Variants in NCOR2 observed in about 807,000 individuals in gnomAD.
The protein encoded by NCOR2 is CTG repeat protein 26.
NCOR2 carries 81 observed loss-of-function variants against 262.9 expected under a neutral mutation model. The ratio of observed to expected loss-of-function variants is 0.31; its 90% confidence interval spans 0.26 to 0.37. The LOEUF (loss-of-function observed/expected upper bound fraction) is 0.37, where lower values mean the gene tolerates loss of function less well. Ranked by LOEUF, NCOR2 falls within the 10% of genes least tolerant of loss-of-function variation. The pLI is 1.00. For synonymous variants in NCOR2, 1,659 were observed against 1,559.3 expected (o/e 1.06, Z -1.51); for missense variants, 3,385 against 3,621.4 (o/e 0.93, Z 1.68).
chr12:124,350,044 G>A (rs930677064), intron 28 of NCOR2, among the ~76,000 whole-genome samples: 4 of 152,026 alleles, frequency 2.6e-5, no homozygotes, highest in Non-Finnish European at 5.9e-5. Context: ...TGAGAGAGGC[G>A]CCCATTAGCA....
Position 124,449,805 on chromosome 12 carries a change from G to A in NCOR2, c.815+10C>T, listed in dbSNP as rs771133338. The A allele has an allele frequency of 5.0e-6, 8 of 1,613,920 alleles. No individual in the cohort carries two copies. Among genetic ancestry groups the A allele is most frequent in the South Asian group, 3.3e-5 (3 of 91,042 alleles). On this transcript the variant is annotated intron_variant, in intron 7 of 46. Coordinates refer to ENST00000405201, the Ensembl canonical transcript of NCOR2. ...TCTGTGTGTCTGCACGGCTGCCCGCGAGCACTCACATTTTGATGTTCTCAT... is the reference window on the plus strand; with the variant it reads ...TCTGTGTGTCTGCACGGCTGCCCGCAAGCACTCACATTTTGATGTTCTCAT...
intron 8 of NCOR2, among the ~76,000 whole-genome samples, chr12:124,431,648 C>T (rs1007500057): frequency 6.7e-6 from 1 of 150,252 alleles, no homozygotes; most frequent in Non-Finnish European, 1.5e-5. Flanking sequence ...CACATACATA[C>T]AGGCACACAC....
intron 1 of NCOR2, among the ~76,000 whole-genome samples, chr12:124,492,395 T>C (rs1375451590): frequency 6.6e-6 from 1 of 152,014 alleles, no homozygotes; most frequent in Non-Finnish European, 1.5e-5. Flanking sequence ...CACACTGAGG[T>C]CTCACAGGCT....
intron 1 of NCOR2, among the ~76,000 whole-genome samples, chr12:124,563,924 T>C (rs2052150584): frequency 1.3e-5 from 2 of 152,216 alleles, no homozygotes; most frequent in African/African-American, 4.8e-5. Flanking sequence ...CCGTGAATAA[T>C]CCCAGGTCTT....
chr12:124,383,290 G>A (rs1366215078), intron 17 of NCOR2: 3 of 195,324 alleles, frequency 1.5e-5, no homozygotes, highest in East Asian at 1.3e-4. Flanking sequence ...CAGAGCCTAC[G>A]TTCAAACTCA....
chr12:124,387,483 G>A (rs2040900504), intron 16 of NCOR2, among the ~76,000 whole-genome samples: 1 of 152,244 alleles, frequency 6.6e-6, no homozygotes, highest in Non-Finnish European at 1.5e-5. Flanking sequence ...CAAGCTTAGA[G>A]GACCAGCCAA....
intron 1 of NCOR2, among the ~76,000 whole-genome samples, chr12:124,543,941 T>TA (rs1176419887): frequency 6.6e-6 from 1 of 152,174 alleles, no homozygotes; most frequent in African/African-American, 2.4e-5. Context: ...TTACGATGAT[T>TA]AACTCGTTTA....
intron 1 of NCOR2, among the ~76,000 whole-genome samples, chr12:124,552,829 C>T (rs914417044): frequency 3.3e-5 from 5 of 152,116 alleles, no homozygotes; most frequent in Non-Finnish European, 5.9e-5. Flanking sequence ...GCTGGGACCA[C>T]AGGTACCATG....
At chr12:124,478,044 C>T (rs867238828) in intron 3 of NCOR2, among the ~76,000 whole-genome samples, 1 of 152,234 alleles carries the variant, frequency 6.6e-6, no homozygotes, top group African/African-American at 2.4e-5. Flanking sequence ...GGCATGGGCC[C>T]ACTCATGGTG....
chr12:124,368,926 G>T (rs1456877495), intron 20 of NCOR2, among the ~76,000 whole-genome samples: 2 of 152,266 alleles, frequency 1.3e-5, no homozygotes, highest in African/African-American at 4.8e-5. Context: ...TAACAAAGGT[G>T]AAATTGCTGT....
At position 124,389,249 on chromosome 12, in the gene NCOR2, G is replaced by A. The variant is rs1297367121; in HGVS notation, c.1877-3362C>T. 6.6e-6 allele frequency among the ~76,000 whole-genome samples: 1 copy of A among 152,248 alleles called. No individual in the cohort carries two copies. The highest frequency in any genetic ancestry group is 1.5e-5 in the Non-Finnish European group (1 of 68,042). On this transcript the variant is annotated intron_variant, in intron 16 of 46. Transcript: ENST00000405201. This position sits in a 1 kb window ranked among gnomAD's most constrained non-coding sequence, Gnocchi z 4.4. ...AAAATCCAAGGACCCAGGCCCAGCAGGGCAGCCGTGTCCCCCGCAGCCGGG... is the reference window on the plus strand; with the variant it reads ...AAAATCCAAGGACCCAGGCCCAGCAAGGCAGCCGTGTCCCCCGCAGCCGGG...
At chr12:124,430,673 A>G in exon 9 of NCOR2, 1 of 1,614,078 alleles carries the variant, frequency 6.2e-7, no homozygotes, top group Non-Finnish European at 8.5e-7. Context: ...TGCTTCTCGT[A>G]GTACTCGCGC....
At chr12:124,357,903 ATGTG>A (rs57170960) in intron 22 of NCOR2, among the ~76,000 whole-genome samples, 1 of 136,778 alleles carries the variant, frequency 7.3e-6, no homozygotes, top group Non-Finnish European at 1.7e-5. Context: ...AACCTGTGAT[ATGTG>A]TGTGTGCGTG....
intron 16 of NCOR2, among the ~76,000 whole-genome samples, chr12:124,387,934 G>A (rs2040940176): frequency 1.3e-5 from 2 of 152,132 alleles, no homozygotes; most frequent in African/African-American, 4.8e-5. Flanking sequence ...GTGGGGTGAG[G>A]GTGGCCCAAC....
intron 1 of NCOR2, among the ~76,000 whole-genome samples, chr12:124,501,052 GCGCACGCGCGCACACACACACACA>G (rs2048692381): frequency 3.7e-5 from 1 of 26,990 alleles, no homozygotes. Context: ...ACGAGCGCGC[GCGCACGCGCGCACACACACACACA>G]CACACACACA....
At chr12:124,421,067 G>C (rs1275675977) in intron 12 of NCOR2, among the ~76,000 whole-genome samples, 1 of 152,262 alleles carries the variant, frequency 6.6e-6, no homozygotes, top group East Asian at 1.9e-4. Flanking sequence ...ATTCAAGAGA[G>C]CTCCTTCCTG....
At chr12:124,342,571 T>C (rs915615891) in intron 33 of NCOR2, among the ~76,000 whole-genome samples, 1 of 152,172 alleles carries the variant, frequency 6.6e-6, no homozygotes, top group Non-Finnish European at 1.5e-5. Flanking sequence ...GGTTTCACCG[T>C]GTTAGCCAGG....
intron 22 of NCOR2, 188 bp from the exon 25 acceptor site, chr12:124,356,970 C>G (rs2038000426): frequency 3.1e-6 from 2 of 647,658 alleles, no homozygotes; most frequent in Non-Finnish European, 2.3e-6. Context: ...CCATGGTATT[C>G]TGCTCAGCAG....
At position 124,344,758 on chromosome 12, in the gene NCOR2, G is replaced by A. The variant is rs761530904; in HGVS notation, c.4553C>T (p.Ser1518Leu). 10 of 1,548,816 alleles carry A rather than the reference G, an allele frequency of 6.5e-6. No individual in the cohort carries two copies. The East Asian group carries it at 9.8e-5, about 15-fold the overall frequency. ...GGCGCCGCGCGCAATGGAGCCCCCC[G>A]AGCTGCTGGCGGTCCCTGGCCGGCT... Residue 1518 changes from serine to leucine, a missense_variant, in exon 32 of 47, where the codon TCG (serine) becomes TTG (leucine). Ser to Leu is a moderately radical substitution (Grantham distance 145, BLOSUM62 -2). Transcript: ENST00000405201.
Sources: allele counts gnomAD v4.1 joint callset (sites outside exome capture counted in the v4.1 genomes callset), GRCh38; gene constraint gnomAD v4.1.1; non-coding constraint Gnocchi (gnomAD v3.1); transcripts MANE v1.5; gene names NCBI Gene and HGNC (gene_info 2026-07-23, HGNC 2026-07-21).